Variants in WDR17 observed in about 807,000 individuals in gnomAD.
WDR17 encodes the protein WD repeat-containing protein 17.
A neutral mutation model predicts 161.7 loss-of-function variants in WDR17; 143 were observed. The observed-to-expected ratio is 0.88, with a 90% CI of 0.77 to 1.02. The LOEUF (loss-of-function observed/expected upper bound fraction) is 1.02, where lower values mean the gene tolerates loss of function less well. WDR17 is among the 50% of genes least tolerant of loss of function. The pLI is 0.00. For synonymous variants in WDR17, 517 were observed against 515.6 expected (o/e 1.00, Z -0.04); for missense variants, 1,469 against 1,520.9 (o/e 0.97, Z 0.57).
intron 16 of WDR17, 132 bp from the exon 17 acceptor site, chr4:176,151,680 T>A: frequency 1.3e-6 from 1 of 776,772 alleles, no homozygotes; most frequent in Non-Finnish European, 1.9e-6. Flanking sequence ...CAAGCATTTA[T>A]CTTTTTTTGT....
intron 17 of WDR17, among the ~76,000 whole-genome samples, chr4:176,153,748 A>G (rs1366481088): frequency 6.6e-6 from 1 of 152,224 alleles, no homozygotes; most frequent in Admixed American, 6.5e-5. Flanking sequence ...ATAAATCAAA[A>G]CTAAATTTAG....
rs530280000 is a variant in WDR17 at position 176,115,390 on chromosome 4, C to T, written c.124-406C>T. Among the ~76,000 whole-genome samples the T allele has an allele frequency of 6.8e-4, 104 of 151,906 alleles. 1 individual carries two copies. The highest frequency in any genetic ancestry group is 2.3e-3 in the African/African-American group (94 of 41,490). ...GACATCTTAATAGTGTAATAATGAG[C>T]AGTTGGTGTATTTAACCCAAATTTT... On this transcript the variant is annotated intron_variant, in intron 2 of 28. Coordinates refer to ENST00000508596, the MANE Select transcript of WDR17 (RefSeq NM_181265.4).
At chr4:176,139,755 C>T (rs1265011706) in intron 9 of WDR17, 137 bp from the exon 10 acceptor site, 1 of 620,618 alleles carries the variant, frequency 1.6e-6, no homozygotes, top group Non-Finnish European at 2.7e-6. Flanking sequence ...CAGGTTTCTG[C>T]TCTTGACAGT....
At chr4:176,176,398 A>G (rs758543993) in intron 26 of WDR17, among the ~76,000 whole-genome samples, 2 of 151,982 alleles carry the variant, frequency 1.3e-5, no homozygotes, top group Non-Finnish European at 2.9e-5. Context: ...GAGTCCCCAA[A>G]GTTTCATTCT....
At chr4:176,125,504 A>G in intron 5 of WDR17, 149 bp downstream of exon 5, 2 of 1,013,148 alleles carry the variant, frequency 2.0e-6, no homozygotes, top group South Asian at 1.9e-5. Context: ...GTGTACTTTT[A>G]TTTATATTGT....
chr4:176,134,895 A>G (rs1482002138), intron 7 of WDR17, among the ~76,000 whole-genome samples: 1 of 151,718 alleles, frequency 6.6e-6, no homozygotes, highest in African/African-American at 2.4e-5. Flanking sequence ...GTGGTTGACT[A>G]AAATCTAGGT....
intron 2 of WDR17, 60 bp downstream of exon 2, chr4:176,111,763 T>A (rs1316573973): frequency 7.1e-7 from 1 of 1,400,762 alleles, no homozygotes; most frequent in East Asian, 2.7e-5. Context: ...ATTTAATTAA[T>A]ACATATTTTA....
At chr4:176,120,189 T>C (rs986956837) in intron 4 of WDR17, 92 bp downstream of exon 4, 37 of 972,348 alleles carry the variant, frequency 3.8e-5, no homozygotes, top group Non-Finnish European at 5.0e-5. Context: ...CCAGTCCCCA[T>C]TGTGAATAAA....
intron 1 of WDR17, among the ~76,000 whole-genome samples, chr4:176,077,336 T>C (rs1332007517): frequency 1.3e-5 from 2 of 152,000 alleles, no homozygotes; most frequent in Non-Finnish European, 2.9e-5. Flanking sequence ...TGGTTGACAT[T>C]GATCTTGTTT....
chr4:176,136,129 CAG>C (rs1401926178), intron 8 of WDR17, among the ~76,000 whole-genome samples: 8 of 151,694 alleles, frequency 5.3e-5, no homozygotes, highest in South Asian at 2.1e-4. Flanking sequence ...CTCAGATTTT[CAG>C]AGTTTCATGA....
At chr4:176,130,601 C>A (rs920740073) in intron 6 of WDR17, among the ~76,000 whole-genome samples, 1 of 151,690 alleles carries the variant, frequency 6.6e-6, no homozygotes, top group East Asian at 1.9e-4. Context: ...AAAAATTAGC[C>A]GGGCGTGGTG....
intron 1 of WDR17, among the ~76,000 whole-genome samples, chr4:176,105,803 GAACT>G (rs1738620261): frequency 6.6e-6 from 1 of 151,228 alleles, no homozygotes; most frequent in African/African-American, 2.4e-5. Flanking sequence ...ACAACTTAAG[GAACT>G]AACAAAAGAA....
At chr4:176,083,293 A>T (rs987542037) in intron 1 of WDR17, among the ~76,000 whole-genome samples, 1 of 152,092 alleles carries the variant, frequency 6.6e-6, no homozygotes, top group African/African-American at 2.4e-5. Context: ...GATGATTATG[A>T]TTCGTGCTAC....
At chr4:176,159,966 GT>G in intron 18 of WDR17, 27 bp from the exon 19 acceptor site, 4 of 1,548,230 alleles carry the variant, frequency 2.6e-6, no homozygotes, top group Non-Finnish European at 3.5e-6. Flanking sequence ...ATAATATATT[GT>G]TTAAAAAACT....
At chr4:176,072,514 A>G (rs1219484634) in intron 1 of WDR17, among the ~76,000 whole-genome samples, 1 of 152,226 alleles carries the variant, frequency 6.6e-6, no homozygotes, top group Non-Finnish European at 1.5e-5. Context: ...TTGAAATCCT[A>G]TTTATTCTTG....
chr4:176,155,527 TTTTG>T (rs1387762377), intron 17 of WDR17, among the ~76,000 whole-genome samples: 1 of 148,246 alleles, frequency 6.7e-6, no homozygotes, highest in Non-Finnish European at 1.5e-5. Flanking sequence ...TACTTTGTTT[TTTTG>T]TTTATTTGTT....
Position 176,168,695 on chromosome 4 carries a change from T to A in WDR17, c.3014T>A (p.Leu1005Gln), listed in dbSNP as rs1382532910. 1 of 1,613,662 alleles carries A rather than the reference T, an allele frequency of 6.2e-7. No homozygotes were observed. ...AGGAATTTGGCAGCTGATCTTCTTC[T>A]GATGATTCCTGATAATGAACTACAT... ...SVWNLAADLLLMIPDNELHLI... is the reference protein window; with the variant it reads ...SVWNLAADLLQMIPDNELHLI... The change falls in exon 23 of 29, where the codon CTG becomes CAG. Residue 1005 changes from leucine to glutamine, a missense_variant. Coordinates refer to ENST00000508596, the MANE Select transcript of WDR17 (RefSeq NM_181265.4).
chr4:176,153,920 T>A (rs1421457328), intron 17 of WDR17, among the ~76,000 whole-genome samples: 1 of 152,166 alleles, frequency 6.6e-6, no homozygotes, highest in Non-Finnish European at 1.5e-5. Flanking sequence ...AAGTAGTAAA[T>A]ATTTAACTAA....
rs1744625572 is a variant in WDR17 at position 176,137,617 on chromosome 4, A to T, written c.1359+6A>T. On this transcript the variant is annotated splice_donor_region_variant and intron_variant, in intron 9 of 28. Coordinates refer to ENST00000508596, the MANE Select transcript of WDR17 (RefSeq NM_181265.4). ...TTATACAACGATTTAATGAGGTAAG[A>T]TTTATTTATTGCTACTGAATAATAT... is the stretch of plus-strand genomic sequence containing the variant. 1 of 1,526,138 alleles carries T rather than the reference A, an allele frequency of 6.6e-7. No homozygotes were observed. The highest frequency in any genetic ancestry group is 1.4e-5 in the African/African-American group (1 of 73,172). The allele number at this position is 1,526,138 out of a possible 1,614,324, so 94.5% of individuals were successfully genotyped here.
Sources: gnomAD v4.1 joint callset for allele counts (sites outside exome capture counted in the v4.1 genomes callset) on GRCh38, gnomAD v4.1.1 for gene constraint, MANE v1.5 for transcripts, NCBI Gene and HGNC (gene_info 2026-07-23, HGNC 2026-07-21) for gene names.